POLI: variants seen among roughly 807,000 people sequenced by gnomAD.
The protein encoded by POLI is DNA polymerase iota, also known as RAD30 homolog B.
In POLI, 58 loss-of-function variants were observed where a neutral mutation model predicts 51.6. The ratio of observed to expected loss-of-function variants is 1.12; its 90% CI spans 0.91 to 1.40. The LOEUF (loss-of-function observed/expected upper bound fraction) is 1.40, where lower values mean the gene tolerates loss of function less well. Among genes scored for constraint, POLI ranks in the 40% most tolerant of loss-of-function variants. The probability of loss-of-function intolerance (pLI) is 0.00; values close to 1 mark genes in which losing one functional copy is unlikely to be tolerated. For synonymous variants in POLI, 322 were observed against 299.7 expected (o/e 1.07, Z -0.77); for missense variants, 921 against 871.3 (o/e 1.06, Z -0.72).
rs2087779712 is a variant in POLI at position 54,287,093 on chromosome 18, TA to T, written c.1068-187del. Among the ~76,000 whole-genome samples the T allele has an allele frequency of 9.8e-5, 15 of 152,344 alleles. No individual in the cohort carries two copies. The South Asian group carries it at 3.1e-3, about 32-fold the overall frequency. On this transcript the variant is annotated intron_variant, in intron 7 of 9. Transcript: ENST00000579534. ...CTTGACATCTAAACATTCAGAGTTT[TA>T]GTGCATAGACTTTGTGATGATTATT...
At chr18:54,318,858 G>C (rs1014640106) in intron 3 of POLI, among the ~76,000 whole-genome samples, 1 of 152,058 alleles carries the variant, frequency 6.6e-6, no homozygotes, top group Non-Finnish European at 1.5e-5. Context: ...AATATAAGTT[G>C]TGCTATTTTA....
chr18:54,299,009 T>G (rs2088442694), downstream of POLI, among the ~76,000 whole-genome samples: 1 of 152,144 alleles, frequency 6.6e-6, no homozygotes, highest in South Asian at 2.1e-4. Flanking sequence ...CATTGTAAAT[T>G]GAAAATATCA....
In POLI at chr18:54,308,553, A is replaced by T. The variant is rs191558729; in HGVS notation, c.334-11720A>T. On this transcript the variant is annotated intron_variant, in intron 3 of 4. Transcript: ENST00000579823. ...TTAAACTTTGGTGAATCTGACAATT[A>T]TGTGTCTTGGGGTTGCTCTTCTCGA... 6.0e-5 allele frequency among the ~76,000 whole-genome samples: 9 copies of T among 150,372 alleles called. No homozygotes were observed. The East Asian group carries it at 7.8e-4, about 13-fold the overall frequency.
At chr18:54,286,242 A>G (rs1248243451) in intron 7 of POLI, among the ~76,000 whole-genome samples, 1 of 152,108 alleles carries the variant, frequency 6.6e-6, no homozygotes. Flanking sequence ...TATGTTTGAG[A>G]TTTGGTTTTA....
rs1043648183 is a variant in POLI at position 54,269,797 on chromosome 18, C to T, written c.115+136C>T. 1.1e-5 allele frequency: 15 copies of T among 1,374,776 alleles called. 1 individual carries two copies. Among genetic ancestry groups the T allele is most frequent in the South Asian group, 3.4e-5 (2 of 59,312 alleles). The allele number at this position is 1,374,776 out of a possible 1,614,324, so 85.2% of individuals were successfully genotyped here. A position where few individuals can be genotyped will look rare whatever the true frequency, so the allele number is the denominator to read the frequency against. ...CGGCTCCTCTAAGAGAGGGCTGCCT[C>T]CCTCTGCCTTGTGTTACGCGGCGGG... On this transcript the variant is annotated intron_variant, in intron 1 of 9. Transcript: ENST00000579534.
In POLI at chr18:54,274,053, C is replaced by G; in HGVS notation, c.369C>G (p.Asp123Glu). The G allele has an allele frequency of 3.3e-6, 5 of 1,518,690 alleles. No homozygotes were observed. The highest frequency in any genetic ancestry group is 4.4e-6 in the Non-Finnish European group (5 of 1,130,218). The allele number at this position is 1,518,690 out of a possible 1,614,324, so 94.1% of individuals were successfully genotyped here. ...CPQLVLVNGE[D>E]LTRYREMSYK... is the part of the protein sequence containing the mutation. ...AGTTGGTATTAGTTAATGGAGAAGACCTGACCCGCTACAGAGAAATGTCTT... is the reference window on the plus strand; with the variant it reads ...AGTTGGTATTAGTTAATGGAGAAGAGCTGACCCGCTACAGAGAAATGTCTT... Residue 123 changes from aspartate to glutamate, a missense_variant, in exon 3 of 10, where the codon GAC (aspartate) becomes GAG (glutamate). Asp to Glu is a conservative substitution (Grantham distance 45). Transcript: ENST00000579534.
chr18:54,293,288 TG>T (rs2088114804), intron 9 of POLI, among the ~76,000 whole-genome samples: 2 of 152,022 alleles, frequency 1.3e-5, no homozygotes, highest in Admixed American at 1.3e-4. Flanking sequence ...TATATGTGTA[TG>T]TTTTTTTGAA....
intron 5 of POLI, among the ~76,000 whole-genome samples, chr18:54,281,857 T>TA (rs2087515874): frequency 6.6e-6 from 1 of 151,920 alleles, no homozygotes; most frequent in African/African-American, 2.4e-5. Flanking sequence ...TAGTTCCCCC[T>TA]ACATAGCCAT....
chr18:54,310,622 T>C (rs1281402422), intron 3 of POLI, among the ~76,000 whole-genome samples: 1 of 152,134 alleles, frequency 6.6e-6, no homozygotes, highest in African/African-American at 2.4e-5. Flanking sequence ...AATTTGGTGA[T>C]ATTTGGGTGT....
chr18:54,300,861 T>C (rs2088477630), downstream of POLI, among the ~76,000 whole-genome samples: 1 of 152,210 alleles, frequency 6.6e-6, no homozygotes, highest in African/African-American at 2.4e-5. Flanking sequence ...CAGAAAATCA[T>C]TTCAAAATGA....
intron 5 of POLI, among the ~76,000 whole-genome samples, chr18:54,282,232 T>G (rs1439503548): frequency 1.3e-5 from 2 of 152,176 alleles, no homozygotes; most frequent in Non-Finnish European, 1.5e-5. Context: ...TCTGGAATAT[T>G]ACATAACAGG....
chr18:54,311,801 A>G (rs2144647027), intron 3 of POLI, among the ~76,000 whole-genome samples: 1 of 152,328 alleles, frequency 6.6e-6, no homozygotes, highest in South Asian at 2.1e-4. Context: ...CTACATCAGC[A>G]TCAATTTGTG....
rs767092441 is a variant in POLI at position 54,287,431 on chromosome 18, C to T, written c.1198+20C>T. 7.0e-5 allele frequency: 111 copies of T among 1,596,304 alleles called. No individual in the cohort carries two copies. Among genetic ancestry groups the T allele is most frequent in the Non-Finnish European group, 8.6e-5 (100 of 1,168,316 alleles). ...GGACAGGTATGGACTAGTTTTCCAA[C>T]AGTTTCATTAGCAGGTTGAACTCTT... On this transcript the variant is annotated intron_variant, in intron 8 of 9. Transcript: ENST00000579534.
At chr18:54,298,559 C>A (rs562503798), downstream of POLI, among the ~76,000 whole-genome samples, 4 of 149,848 alleles carry the variant, frequency 2.7e-5, no homozygotes, top group East Asian at 7.8e-4. Flanking sequence ...GAACCCTGAA[C>A]GAAGACCAGA....
intron 3 of POLI, chr18:54,274,985 G>GA (rs1230266501): frequency 2.6e-5 from 4 of 152,004 alleles, no homozygotes; most frequent in South Asian, 2.1e-4. Flanking sequence ...CAATTATAGG[G>GA]AAAAAATGCT....
chr18:54,277,973 A>G, intron 4 of POLI, 118 bp downstream of exon 4: 1 of 729,418 alleles, frequency 1.4e-6, no homozygotes, highest in Non-Finnish European at 2.2e-6. Context: ...GTATAGTTAT[A>G]TTTAGTCAGT....
chr18:54,316,897 T>C (rs1056373836), intron 3 of POLI, among the ~76,000 whole-genome samples: 2 of 152,146 alleles, frequency 1.3e-5, no homozygotes, highest in African/African-American at 2.4e-5. Context: ...AGGAAGTTGA[T>C]TGAGGGTTGC....
intron 3 of POLI, among the ~76,000 whole-genome samples, chr18:54,315,761 C>T (rs1303899839): frequency 1.3e-5 from 2 of 152,046 alleles, no homozygotes; most frequent in African/African-American, 2.4e-5. Context: ...TTATCTGATA[C>T]AAAAATAATG....
chr18:54,289,036 A>G (rs189770510), intron 8 of POLI, among the ~76,000 whole-genome samples: 20 of 152,144 alleles, frequency 1.3e-4, no homozygotes, highest in Non-Finnish European at 2.6e-4. Flanking sequence ...TGAAAACTGA[A>G]CCTCATAGAT....
Sources: allele counts gnomAD v4.1 joint callset (sites outside exome capture counted in the v4.1 genomes callset), GRCh38; gene constraint gnomAD v4.1.1; transcripts MANE v1.5; gene names NCBI Gene and HGNC (gene_info 2026-07-23, HGNC 2026-07-21).